Variants in TUSC3 observed in about 807,000 individuals in gnomAD.
The protein encoded by TUSC3 is dolichyl-diphosphooligosaccharide--protein glycosyltransferase subunit TUSC3.
Under a neutral mutation model 44.8 loss-of-function variants are expected in TUSC3, and 45 were observed. The observed-to-expected ratio is 1.00, with a 90% confidence interval of 0.79 to 1.29. The LOEUF (loss-of-function observed/expected upper bound fraction) is 1.29, where lower values mean the gene tolerates loss of function less well. TUSC3 is among the 50% of genes most tolerant of loss of function. The pLI is 0.00. For synonymous variants in TUSC3, 212 were observed against 152.9 expected (o/e 1.39, Z -2.85); for missense variants, 519 against 437.9 (o/e 1.19, Z -1.65).
chr8:15,661,697 A>G (rs917889514), intron 4 of TUSC3, among the ~76,000 whole-genome samples: 1 of 152,006 alleles, frequency 6.6e-6, no homozygotes, highest in Non-Finnish European at 1.5e-5. Flanking sequence ...GCTATACTAT[A>G]CTACAGTCTT....
At chr8:15,808,456 A>C in the TUSC3 span, among the ~76,000 whole-genome samples, 3 of 152,142 alleles carry the variant, frequency 2.0e-5, no homozygotes, top group African/African-American at 7.2e-5. Context: ...GGACAAAGAA[A>C]GCTTAAGGGG....
chr8:15,553,101 C>T (rs1055754962), intron 1 of TUSC3, among the ~76,000 whole-genome samples: 3 of 151,548 alleles, frequency 2.0e-5, no homozygotes, highest in East Asian at 2.0e-4. Context: ...GAAAGATTTT[C>T]GAAGGAAGAT....
the TUSC3 span, chr8:15,806,270 G>C: frequency 1.6e-6 from 1 of 618,834 alleles, no homozygotes; most frequent in Admixed American, 2.2e-5. Context: ...GCAGTCTGGG[G>C]ATGTTCTCAT....
intron 2 of TUSC3, among the ~76,000 whole-genome samples, chr8:15,496,789 C>G (rs1207192516): frequency 6.6e-6 from 1 of 152,162 alleles, no homozygotes; most frequent in Non-Finnish European, 1.5e-5. Context: ...TACTATTTCC[C>G]CCATATTTCT....
At chr8:15,695,119 G>T (rs548767307) in intron 6 of TUSC3, among the ~76,000 whole-genome samples, 2 of 152,324 alleles carry the variant, frequency 1.3e-5, no homozygotes, top group East Asian at 3.9e-4. Context: ...GGTGGTGTCA[G>T]TGGAAAGATC....
At chr8:15,636,642 C>G (rs981187578) in intron 2 of TUSC3, among the ~76,000 whole-genome samples, 1 of 152,154 alleles carries the variant, frequency 6.6e-6, no homozygotes, top group African/African-American at 2.4e-5. Context: ...TGTGTGTCCC[C>G]AAAGATACGG....
At chr8:15,829,818 A>G in the TUSC3 span, among the ~76,000 whole-genome samples, 1 of 152,120 alleles carries the variant, frequency 6.6e-6, no homozygotes, top group East Asian at 1.9e-4. Context: ...GATACCCAGT[A>G]GTGGGGAGGC....
chr8:15,677,179 C>G (rs1208006914), intron 6 of TUSC3, among the ~76,000 whole-genome samples: 1 of 151,926 alleles, frequency 6.6e-6, no homozygotes, highest in African/African-American at 2.4e-5. Flanking sequence ...TTTGTTTTTC[C>G]CCAAGAAATA....
At chr8:15,809,172 GC>G in the TUSC3 span, among the ~76,000 whole-genome samples, 2 of 152,130 alleles carry the variant, frequency 1.3e-5, no homozygotes, top group Non-Finnish European at 2.9e-5. Flanking sequence ...AAGATGGAGG[GC>G]TCAGGGCAAG....
At chr8:15,622,315 A>T (rs1429684153) in intron 1 of TUSC3, among the ~76,000 whole-genome samples, 1 of 148,770 alleles carries the variant, frequency 6.7e-6, no homozygotes, top group Non-Finnish European at 1.5e-5. Context: ...CTTTTTTTTT[A>T]GAGACAGTGT....
At chr8:15,595,253 T>A (rs1804017603) in intron 1 of TUSC3, among the ~76,000 whole-genome samples, 1 of 152,226 alleles carries the variant, frequency 6.6e-6, no homozygotes, top group East Asian at 1.9e-4. Flanking sequence ...CACATAGGAT[T>A]TGATCAGCAC....
At chr8:15,790,171 G>C in the TUSC3 span, among the ~76,000 whole-genome samples, 1 of 130,642 alleles carries the variant, frequency 7.7e-6, no homozygotes, top group Non-Finnish European at 1.6e-5. Flanking sequence ...ACAGGTCATT[G>C]TTAAGGCCTT....
the TUSC3 span, among the ~76,000 whole-genome samples, chr8:15,813,385 C>CAA: frequency 0.25 from 6,953 of 28,148 alleles, 224 homozygotes; most frequent in South Asian, 0.37. Context: ...AACAAACAAA[C>CAA]AAACAAAAAA....
Position 15,610,059 on chromosome 8 carries a change from A to G in TUSC3, c.139-13021A>G, listed in dbSNP as rs574547726. On this transcript the variant is annotated intron_variant, in intron 1 of 10. Coordinates refer to ENST00000503731, the MANE Select transcript of TUSC3 (RefSeq NM_006765.4). ...CTGTTGATCACATAACTATGTTTAT[A>G]TGGTTTAACTATTTTTCTTTTGGAA... 7.2e-5 allele frequency among the ~76,000 whole-genome samples: 11 copies of G among 152,168 alleles called. No homozygotes were observed. The South Asian group carries it at 1.9e-3, about 26-fold the overall frequency.
chr8:15,733,470 G>T (rs1810806087), intron 7 of TUSC3: 3 of 358,830 alleles, frequency 8.4e-6, no homozygotes, highest in Non-Finnish European at 1.6e-5. Context: ...AGGATGAAAA[G>T]CTGTGTTGAG....
At chr8:15,636,648 T>C (rs954300641) in intron 2 of TUSC3, among the ~76,000 whole-genome samples, 7 of 151,882 alleles carry the variant, frequency 4.6e-5, no homozygotes, top group Non-Finnish European at 7.4e-5. Flanking sequence ...TCCCCAAAGA[T>C]ACGGGGTGTG....
chr8:15,828,585 A>T, the TUSC3 span, among the ~76,000 whole-genome samples: 2 of 152,238 alleles, frequency 1.3e-5, no homozygotes, highest in Non-Finnish European at 2.9e-5. Context: ...GATCAACTGA[A>T]TTACAAAGGC....
At chr8:15,703,194 T>C (rs922483116) in intron 6 of TUSC3, among the ~76,000 whole-genome samples, 4 of 152,144 alleles carry the variant, frequency 2.6e-5, no homozygotes, top group Admixed American at 1.3e-4. Flanking sequence ...AAGAATGTTA[T>C]AGAGAAAGTA....
intron 2 of TUSC3, among the ~76,000 whole-genome samples, chr8:15,484,845 G>C (rs926471056): frequency 1.3e-5 from 2 of 152,132 alleles, no homozygotes; most frequent in Admixed American, 1.3e-4. Flanking sequence ...AAAATATATA[G>C]AGAAATGGAA....
Sources: allele counts gnomAD v4.1 joint callset (sites outside exome capture counted in the v4.1 genomes callset), GRCh38; gene constraint gnomAD v4.1.1; transcripts MANE v1.5; gene names NCBI Gene and HGNC (gene_info 2026-07-23, HGNC 2026-07-21).